The following FGFR1 variants were observed in gnomAD, a reference collection of about 807,000 sequenced individuals.
FGFR1 encodes FGFR1/PLAG1 fusion.
Under a neutral mutation model 93.7 loss-of-function variants are expected in FGFR1, and 18 were observed. The ratio of observed to expected loss-of-function variants is 0.19; its 90% confidence interval spans 0.13 to 0.28. FGFR1 has a LOEUF of 0.28. Ranked by LOEUF, FGFR1 falls within the 10% of genes least tolerant of loss-of-function variation. The pLI is 1.00. For missense variants in FGFR1, 731 were observed against 1,080.4 expected, an observed-to-expected ratio of 0.68 and a Z score of 4.53; for synonymous variants, 448 against 429.3, an observed-to-expected ratio of 1.04 and a Z score of -0.54.
chr8:38,430,016 G>A, intron 2 of FGFR1, 68 bp from the exon 3 acceptor site: 1 of 1,482,148 alleles, frequency 6.7e-7, no homozygotes, highest in Non-Finnish European at 9.1e-7. Context: ...GAGGGGAGGA[G>A]GGGAGAGACA....
intron 9 of FGFR1, 127 bp from the exon 10 acceptor site, chr8:38,418,500 C>A: frequency 1.7e-6 from 2 of 1,196,122 alleles, no homozygotes; most frequent in Non-Finnish European, 1.2e-6. Flanking sequence ...CTTTCCTCAA[C>A]ACAGAGTGGT....
At chr8:38,417,241 G>A (rs17176016) in intron 12 of FGFR1, 65 bp downstream of exon 12, 1 of 1,291,044 alleles carries the variant, frequency 7.7e-7, no homozygotes, top group Non-Finnish European at 1.1e-6. Flanking sequence ...GAGGCCTTGG[G>A]ACTGATACCC....
At chr8:38,442,744 G>A (rs901260251) in intron 2 of FGFR1, among the ~76,000 whole-genome samples, 1 of 152,174 alleles carries the variant, frequency 6.6e-6, no homozygotes. Flanking sequence ...CAGCAGCTGG[G>A]CAGGGAAAAG....
intron 2 of FGFR1, among the ~76,000 whole-genome samples, chr8:38,433,051 C>G (rs1216589213): frequency 6.6e-6 from 1 of 152,126 alleles, no homozygotes; most frequent in Non-Finnish European, 1.5e-5. Flanking sequence ...TCCAAAACGT[C>G]CAGGGGCTGG....
chr8:38,424,590 C>T lies in FGFR1; in HGVS notation c.855G>A (p.Pro285=), dbSNP rs546345567. 9.3e-6 allele frequency: 15 copies of T among 1,614,222 alleles called. No individual in the cohort carries two copies. Among genetic ancestry groups the T allele is most frequent in the South Asian group, 7.7e-5 (7 of 91,078 alleles). ...FMCKVYSDPQ[P]HIQWLKHIEV... ...CGATGTGCTTTAGCCACTGGATGTG[C>T]GGCTGCGGGTCACTGTACACCTTAC... is the stretch of plus-strand genomic sequence containing the variant. Residue 285 remains proline, a synonymous_variant, in exon 7 of 18, where the codon CCG becomes CCA. Coordinates refer to ENST00000447712, the MANE Select transcript of FGFR1 (RefSeq NM_023110.3). This position sits in a 1 kb window ranked among gnomAD's most constrained non-coding sequence, Gnocchi z 4.3.
chr8:38,443,508 A>G (rs576610423), intron 2 of FGFR1, among the ~76,000 whole-genome samples: 5 of 151,666 alleles, frequency 3.3e-5, no homozygotes, highest in African/African-American at 7.2e-5. Context: ...AAAAAAAAAA[A>G]AAAAGAAAAA....
chr8:38,434,742 T>C (rs1824638563), intron 2 of FGFR1: 1 of 161,748 alleles, frequency 6.2e-6, no homozygotes, highest in Non-Finnish European at 1.3e-5. Flanking sequence ...TTTAAAAGCC[T>C]TGGTGCAGTG....
chr8:38,420,992 G>C (rs1422386853), intron 8 of FGFR1, among the ~76,000 whole-genome samples: 2 of 152,182 alleles, frequency 1.3e-5, no homozygotes, highest in Non-Finnish European at 2.9e-5. Flanking sequence ...CCTCCAGCAG[G>C]GGCATCCGGA....
In FGFR1 at chr8:38,413,527, G is replaced by C. The variant is rs1048870079; in HGVS notation, c.*101C>G. The stretch of plus-strand genomic sequence containing the variant: ...CCTGGTAGGCAGCCGGCTCCTGCCA[G>C]CAGGAAAGGGGACAGGGACGGACAG... On this transcript the variant is annotated 3_prime_UTR_variant, in exon 18 of 18. Coordinates refer to ENST00000447712, the MANE Select transcript of FGFR1 (RefSeq NM_023110.3). The surrounding 1 kb of genome is among the most constrained non-coding windows in gnomAD (Gnocchi z 4.2). The C allele has an allele frequency of 7.3e-7, 1 of 1,364,506 alleles. No individual in the cohort carries two copies. The highest frequency in any genetic ancestry group is 9.9e-7 in the Non-Finnish European group (1 of 1,006,782). 84.5% of individuals were successfully genotyped at this position (1,364,506 alleles called of 1,614,324 possible).
intron 7 of FGFR1, 181 bp from the exon 8 acceptor site, chr8:38,422,122 T>C: frequency 7.3e-6 from 5 of 684,170 alleles, no homozygotes; most frequent in Non-Finnish European, 1.3e-5. Context: ...AGGAAGAGGG[T>C]GAGACCCTGA....
intron 2 of FGFR1, among the ~76,000 whole-genome samples, chr8:38,450,379 G>A (rs978286541): frequency 1.3e-5 from 2 of 152,160 alleles, no homozygotes; most frequent in South Asian, 2.1e-4. Context: ...TGTCTACAGG[G>A]TGAGCTGGAG....
intron 7 of FGFR1, chr8:38,422,837 G>A: frequency 3.5e-6 from 2 of 576,562 alleles, no homozygotes; most frequent in Non-Finnish European, 6.1e-6. Flanking sequence ...GGCAGAGAGG[G>A]AACCCACAGA....
intron 5 of FGFR1, among the ~76,000 whole-genome samples, chr8:38,427,102 G>A (rs1291247068): frequency 8.1e-5 from 11 of 135,728 alleles, no homozygotes; most frequent in Non-Finnish European, 1.6e-4. Context: ...GTGAGACTCC[G>A]TCTAAAAAAA....
intron 5 of FGFR1, 141 bp downstream of exon 5, chr8:38,427,780 T>G: frequency 1.1e-6 from 1 of 870,246 alleles, no homozygotes; most frequent in East Asian, 2.6e-5. Flanking sequence ...TATTTGCATT[T>G]TTTTGTATTT....
chr8:38,440,503 C>G lies in FGFR1; in HGVS notation c.92-10555G>C, dbSNP rs1484345934. 4 of 646,296 alleles carry G rather than the reference C, an allele frequency of 6.2e-6. No homozygotes were observed. The East Asian group carries it at 1.3e-4, about 20-fold the overall frequency. 40.0% of individuals were successfully genotyped at this position (646,296 alleles called of 1,614,324 possible). A position where few individuals can be genotyped will look rare whatever the true frequency, so the allele number is the denominator to read the frequency against. ...GGAAAGAGAGCCGGGAGCACCAAATCAATTAGCAGGGCCTGACACCCAGGG... is the reference window on the plus strand; with the variant it reads ...GGAAAGAGAGCCGGGAGCACCAAATGAATTAGCAGGGCCTGACACCCAGGG... On this transcript the variant is annotated intron_variant, in intron 2 of 17. Transcript: ENST00000447712.
At chr8:38,441,421 C>T (rs941117058) in intron 2 of FGFR1, among the ~76,000 whole-genome samples, 6 of 152,186 alleles carry the variant, frequency 3.9e-5, no homozygotes, top group Admixed American at 6.5e-5. Flanking sequence ...AAGGAATGCA[C>T]CCAAGAGTTG....
intron 2 of FGFR1, among the ~76,000 whole-genome samples, chr8:38,455,961 G>C (rs1047649040): frequency 5.3e-5 from 8 of 152,284 alleles, no homozygotes; most frequent in Admixed American, 5.2e-4. Flanking sequence ...GGTCCCCACC[G>C]TGCTCCAGCT....
chr8:38,452,218 C>G (rs947866950), intron 2 of FGFR1, among the ~76,000 whole-genome samples: 320 of 145,406 alleles, frequency 2.2e-3, no homozygotes, highest in African/African-American at 5.0e-3. Flanking sequence ...CACACACACA[C>G]ACACACACAC....
intron 2 of FGFR1, among the ~76,000 whole-genome samples, chr8:38,449,367 G>T (rs1830367346): frequency 6.6e-6 from 1 of 152,120 alleles, no homozygotes; most frequent in African/African-American, 2.4e-5. Context: ...AGACTTGCTT[G>T]ACTAGATGAA....
Sources: gnomAD v4.1 joint callset for allele counts (sites outside exome capture counted in the v4.1 genomes callset) on GRCh38, gnomAD v4.1.1 for gene constraint, Gnocchi (gnomAD v3.1) non-coding constraint, MANE v1.5 for transcripts, NCBI Gene and HGNC (gene_info 2026-07-23, HGNC 2026-07-21) for gene names.